KATNAL2: variants seen among roughly 807,000 people sequenced by gnomAD.
KATNAL2 encodes katanin p60 ATPase-containing subunit A-like 2.
In KATNAL2, 52 loss-of-function variants were observed where a neutral mutation model predicts 76.3. The ratio of observed to expected loss-of-function variants is 0.68; its 90% CI spans 0.55 to 0.86. KATNAL2 has a LOEUF of 0.86. Ranked by LOEUF, KATNAL2 falls within the 40% of genes least tolerant of loss-of-function variation. The pLI is 0.00. For synonymous variants in KATNAL2, 243 were observed against 244.2 expected (o/e 1.00, Z 0.05); for missense variants, 660 against 668.9 (o/e 0.99, Z 0.15).
At chr18:47,039,426 CCT>C (rs1431136694) in intron 3 of KATNAL2, among the ~76,000 whole-genome samples, 1 of 152,184 alleles carries the variant, frequency 6.6e-6, no homozygotes, top group Admixed American at 6.5e-5. Context: ...CCTCCCCAGT[CCT>C]CTCCTCCCTG....
At chr18:46,940,932 GGAGGAT>G (rs2059228122) in intron 1 of KATNAL2, among the ~76,000 whole-genome samples, 1 of 152,094 alleles carries the variant, frequency 6.6e-6, no homozygotes, top group African/African-American at 2.4e-5. Context: ...GGCTGAGGTG[GGAGGAT>G]CACTTGAACC....
At chr18:47,076,454 C>T (rs1043771842) in intron 14 of KATNAL2, 7 of 152,132 alleles carry the variant, frequency 4.6e-5, no homozygotes, top group Non-Finnish European at 4.4e-5. Context: ...CTCATAGTCA[C>T]TCTACAAAGA....
At chr18:47,085,915 C>A (rs913726686) in intron 15 of KATNAL2, among the ~76,000 whole-genome samples, 2 of 151,972 alleles carry the variant, frequency 1.3e-5, no homozygotes, top group Non-Finnish European at 2.9e-5. Context: ...ATAGCAAGAC[C>A]TCGTCTCTAC....
intron 5 of KATNAL2, among the ~76,000 whole-genome samples, chr18:47,053,888 G>A (rs566844628): frequency 1.3e-5 from 2 of 152,332 alleles, no homozygotes; most frequent in South Asian, 4.1e-4. Flanking sequence ...AACACAGGGT[G>A]ATCAGCACTG....
intron 15 of KATNAL2, among the ~76,000 whole-genome samples, chr18:47,087,017 A>G (rs2062805937): frequency 6.6e-6 from 1 of 152,234 alleles, no homozygotes. Context: ...ACCATTTTAT[A>G]GAAAATAGGA....
rs142263566 is a variant in KATNAL2 at position 47,034,765 on chromosome 18, C to G, written c.52-11692C>G. The G allele has an allele frequency of 1.3e-3, 2,119 of 1,605,842 alleles. 58 individuals are homozygous for G. The highest frequency in any genetic ancestry group is 1.7e-3 in the Non-Finnish European group (1,980 of 1,174,226). ...TGTGCGCGTTGGAGAGGCCCGATAG[C>G]GGCCGGAATCAGCTGGGGCTATTCT... is the stretch of plus-strand genomic sequence containing the variant. On this transcript the variant is annotated intron_variant, in intron 3 of 17. Coordinates refer to ENST00000683218, the MANE Select transcript of KATNAL2 (RefSeq NM_001387690.1).
chr18:46,919,763 A>C (rs1599262950), intron 1 of KATNAL2, among the ~76,000 whole-genome samples: 1 of 152,354 alleles, frequency 6.6e-6, no homozygotes, highest in East Asian at 1.9e-4. Flanking sequence ...TTAATGAATA[A>C]AGGAATGAAT....
intron 6 of KATNAL2, among the ~76,000 whole-genome samples, chr18:47,055,208 G>T (rs767894341): frequency 6.6e-6 from 1 of 152,182 alleles, no homozygotes; most frequent in African/African-American, 2.4e-5. Context: ...TGCTGCTGCC[G>T]GCTGCCAGTG....
chr18:46,923,215 T>G (rs1222484447), intron 1 of KATNAL2, among the ~76,000 whole-genome samples: 1 of 31,610 alleles, frequency 3.2e-5, no homozygotes, highest in Non-Finnish European at 6.1e-5. Flanking sequence ...CCCTCCCCCC[T>G]CCCCCCACCC....
chr18:46,937,548 T>TC (rs2059129431), intron 1 of KATNAL2, among the ~76,000 whole-genome samples: 1 of 152,164 alleles, frequency 6.6e-6, no homozygotes, highest in South Asian at 2.1e-4. Flanking sequence ...GTTTGTGTGA[T>TC]CTTTTTCACC....
At chr18:47,050,946 T>C (rs1458240511) in intron 4 of KATNAL2, among the ~76,000 whole-genome samples, 2 of 152,132 alleles carry the variant, frequency 1.3e-5, no homozygotes. Flanking sequence ...AGACCAGAGT[T>C]TGAATGTGTG....
intron 3 of KATNAL2, among the ~76,000 whole-genome samples, chr18:46,960,783 A>G (rs1205424521): frequency 6.6e-6 from 1 of 152,200 alleles, no homozygotes; most frequent in Non-Finnish European, 1.5e-5. Flanking sequence ...CCCTTACCTA[A>G]CAAAGCTTAA....
chr18:47,069,461 C>A, intron 12 of KATNAL2, 21 bp from the exon 13 acceptor site: 1 of 1,569,346 alleles, frequency 6.4e-7, no homozygotes, highest in Non-Finnish European at 8.7e-7. Flanking sequence ...GCCTGCTCAT[C>A]TTTTATGTGT....
At chr18:47,095,103 G>A (rs1210362786) in intron 15 of KATNAL2, among the ~76,000 whole-genome samples, 1 of 152,056 alleles carries the variant, frequency 6.6e-6, no homozygotes, top group East Asian at 1.9e-4. Flanking sequence ...TCATTATTAT[G>A]CTTCCCAGCT....
chr18:47,033,544 T>C (rs567137623), intron 3 of KATNAL2: 1 of 1,614,130 alleles, frequency 6.2e-7, no homozygotes, highest in East Asian at 2.2e-5. Context: ...GAGTGCGTGA[T>C]TGTCTTTCTT....
At chr18:47,068,517 G>T (rs777739549) in intron 11 of KATNAL2, among the ~76,000 whole-genome samples, 1 of 152,166 alleles carries the variant, frequency 6.6e-6, no homozygotes, top group Non-Finnish European at 1.5e-5. Context: ...TGGATTTGTT[G>T]TCCCCATGGC....
intron 4 of KATNAL2, among the ~76,000 whole-genome samples, chr18:47,051,299 T>C (rs2061334484): frequency 6.6e-6 from 1 of 151,952 alleles, no homozygotes; most frequent in South Asian, 2.1e-4. Flanking sequence ...GGCGTGGTGG[T>C]GCACGCCTGT....
chr18:47,031,499 G>A (rs1485423813), intron 3 of KATNAL2, among the ~76,000 whole-genome samples: 1 of 152,132 alleles, frequency 6.6e-6, no homozygotes, highest in Non-Finnish European at 1.5e-5. Flanking sequence ...GAGAATCGGG[G>A]AATGGGGATT....
chr18:47,064,457 C>A (rs779400482), intron 10 of KATNAL2, among the ~76,000 whole-genome samples: 7 of 152,048 alleles, frequency 4.6e-5, no homozygotes, highest in Non-Finnish European at 8.8e-5. Context: ...GAGCAGTACC[C>A]AGGGCTGAGA....
Sources: allele counts gnomAD v4.1 joint callset (sites outside exome capture counted in the v4.1 genomes callset), GRCh38; gene constraint gnomAD v4.1.1; transcripts MANE v1.5; gene names NCBI Gene and HGNC (gene_info 2026-07-23, HGNC 2026-07-21).